RIN3: variants seen among roughly 807,000 people sequenced by gnomAD.
The protein encoded by RIN3 is RAB5 interacting protein 3.
A neutral mutation model predicts 76.3 loss-of-function variants in RIN3; 54 were observed. The observed-to-expected ratio is 0.71, with a 90% CI of 0.57 to 0.89. RIN3 has a LOEUF of 0.89. Ranked by LOEUF, RIN3 falls within the 40% of genes least tolerant of loss-of-function variation. The pLI is 0.00. For missense variants in RIN3, 1,256 were observed against 1,322.1 expected, an observed-to-expected ratio of 0.95 and a Z score of 0.78; for synonymous variants, 576 against 564.0, an observed-to-expected ratio of 1.02 and a Z score of -0.30.
intron 1 of RIN3, among the ~76,000 whole-genome samples, chr14:92,541,669 A>G (rs1463243828): frequency 1.3e-5 from 2 of 152,230 alleles, no homozygotes; most frequent in Non-Finnish European, 2.9e-5. Context: ...AAATAGGACA[A>G]AGACCTAAAT....
intron 4 of RIN3, among the ~76,000 whole-genome samples, chr14:92,621,382 C>T (rs947611078): frequency 6.6e-6 from 1 of 152,044 alleles, no homozygotes; most frequent in Non-Finnish European, 1.5e-5. Context: ...TGGCCCATGA[C>T]CCAGCCCTCA....
At chr14:92,529,267 G>A (rs1310324493) in intron 1 of RIN3, among the ~76,000 whole-genome samples, 1 of 99,488 alleles carries the variant, frequency 1.0e-5, no homozygotes, top group Non-Finnish European at 2.1e-5. Context: ...TTTTTTTTTT[G>A]AGATGGAGTC....
At chr14:92,577,989 C>T (rs1898307629) in intron 3 of RIN3, among the ~76,000 whole-genome samples, 1 of 152,130 alleles carries the variant, frequency 6.6e-6, no homozygotes, top group Non-Finnish European at 1.5e-5. Context: ...CCTATAATTC[C>T]AACACTTCAG....
chr14:92,626,827 G>A (rs73330157), intron 4 of RIN3, among the ~76,000 whole-genome samples: 2,379 of 152,142 alleles, frequency 0.016, 51 homozygotes, highest in African/African-American at 0.044. Context: ...GTTTTACTAC[G>A]CCTTCCCCTG....
At chr14:92,603,589 C>T (rs1455124961) in intron 3 of RIN3, among the ~76,000 whole-genome samples, 6 of 152,198 alleles carry the variant, frequency 3.9e-5, no homozygotes, top group Non-Finnish European at 7.3e-5. Flanking sequence ...CTGTGCTGTC[C>T]AGCTTTGGGC....
intron 3 of RIN3, among the ~76,000 whole-genome samples, chr14:92,577,977 C>T (rs916190155): frequency 2.6e-5 from 4 of 152,164 alleles, no homozygotes; most frequent in East Asian, 1.9e-4. Context: ...TGATGGCTCA[C>T]GCCTATAATT....
In RIN3 at chr14:92,652,063, G is replaced by T. The variant is rs1465200468; in HGVS notation, c.1014G>T (p.Met338Ile). 6.2e-7 allele frequency: 1 copy of T among 1,600,388 alleles called. No individual in the cohort carries two copies. Among genetic ancestry groups the T allele is most frequent in the Non-Finnish European group, 8.5e-7 (1 of 1,179,372 alleles). ...GPPDHPNQPPMMTCERLPCPT... is the reference protein window; with the variant it reads ...GPPDHPNQPPIMTCERLPCPT... ...CAGACCATCCGAACCAGCCGCCCAT[G>T]ATGACCTGCGAGAGACTCCCATGCC... The change falls in exon 6 of 10, where the codon ATG becomes ATT. Residue 338 changes from methionine (M) to isoleucine (I), a missense_variant. Met to Ile is a conservative substitution (Grantham distance 10). Transcript: ENST00000216487. The surrounding 1 kb of genome is among the most constrained non-coding windows in gnomAD (Gnocchi z 6.4).
In RIN3 at chr14:92,656,712, C is replaced by A. The variant is rs142723856; in HGVS notation, c.2027-2449C>A. On this transcript the variant is annotated intron_variant, in intron 6 of 9. Transcript: ENST00000216487. This position sits in a 1 kb window ranked among gnomAD's most constrained non-coding sequence, Gnocchi z 5.2. ...CAGGCAGTGAGAGGTGGCAGCTGAG[C>A]TGAGCCACCAAGGATGGGAAGGGCT... Among the ~76,000 whole-genome samples the A allele has an allele frequency of 4.7e-3, 721 of 152,278 alleles. 15 individuals are homozygous for A. The highest frequency in any genetic ancestry group is 0.018 in the East Asian group (94 of 5,184).
In RIN3 at chr14:92,646,559, GGAGTA is replaced by G. The variant is rs556898909; in HGVS notation, c.533-5016_533-5012del. 2.8e-4 allele frequency among the ~76,000 whole-genome samples: 43 copies of G among 152,228 alleles called. No individual in the cohort carries two copies. The South Asian group carries it at 8.9e-3, about 32-fold the overall frequency. On this transcript the variant is annotated intron_variant, in intron 5 of 9. Transcript: ENST00000216487. Reference sequence around the variant, plus strand: ...AAGCGATTCTCCTGCCTCAGCCTCTGGAGTAGAGTAGCTGGGATTGCAGGCACCTG... The same window carrying G: ...AAGCGATTCTCCTGCCTCAGCCTCTGGAGTAGCTGGGATTGCAGGCACCTG...
intron 1 of RIN3, among the ~76,000 whole-genome samples, chr14:92,520,961 C>T (rs1322240382): frequency 6.6e-6 from 1 of 152,196 alleles, no homozygotes; most frequent in Non-Finnish European, 1.5e-5. Context: ...CATTTATTAT[C>T]GTTGCTTCTT....
At chr14:92,528,199 T>C (rs1896794929) in intron 1 of RIN3, among the ~76,000 whole-genome samples, 2 of 152,136 alleles carry the variant, frequency 1.3e-5, no homozygotes, top group African/African-American at 2.4e-5. Flanking sequence ...TGGCAGGAGA[T>C]GGGTGTGCCC....
chr14:92,624,485 G>A (rs111963537), intron 4 of RIN3, among the ~76,000 whole-genome samples: 13 of 152,298 alleles, frequency 8.5e-5, no homozygotes, highest in African/African-American at 1.2e-4. Context: ...CTTTAGAACC[G>A]CTAGCGGGAA....
chr14:92,628,969 A>G (rs1886456431), intron 4 of RIN3, among the ~76,000 whole-genome samples: 1 of 152,154 alleles, frequency 6.6e-6, no homozygotes, highest in Non-Finnish European at 1.5e-5. Context: ...AAAAAAATGA[A>G]AAAGACCCTG....
intron 3 of RIN3, among the ~76,000 whole-genome samples, chr14:92,613,710 A>AG (rs1228671881): frequency 6.6e-6 from 1 of 152,020 alleles, no homozygotes; most frequent in African/African-American, 2.4e-5. Context: ...AGAGGCACTG[A>AG]GGGGGGAAAG....
intron 1 of RIN3, among the ~76,000 whole-genome samples, chr14:92,545,622 T>C (rs1201812126): frequency 6.9e-6 from 1 of 145,430 alleles, no homozygotes; most frequent in African/African-American, 2.5e-5. Context: ...ACTCTGTCAC[T>C]GAGGCTGGAG....
At chr14:92,637,670 A>G (rs1263247936) in intron 4 of RIN3, among the ~76,000 whole-genome samples, 2 of 152,166 alleles carry the variant, frequency 1.3e-5, no homozygotes, top group South Asian at 2.1e-4. Flanking sequence ...AATGTTGACA[A>G]TAGCACTTAG....
At chr14:92,522,267 C>CACA (rs138189648) in intron 1 of RIN3, among the ~76,000 whole-genome samples, 5,742 of 152,116 alleles carry the variant, frequency 0.038, 155 homozygotes, top group Non-Finnish European at 0.063. Context: ...TGATGATGTT[C>CACA]TTGTCTCTTT....
At chr14:92,529,259 T>C (rs1436297529) in intron 1 of RIN3, among the ~76,000 whole-genome samples, 1 of 151,902 alleles carries the variant, frequency 6.6e-6, no homozygotes, top group Non-Finnish European at 1.5e-5. Flanking sequence ...TTTTCTTTTT[T>C]TTTTTTTGAG....
Position 92,652,906 on chromosome 14 carries a change from G to C in RIN3, c.1857G>C (p.Leu619=). Reference sequence around the variant, plus strand: ...ACAAGGGCTCGTACTTTGGCAGCCTGGTGCAGGACTACAAGGTGTACAGCC... The same window carrying C: ...ACAAGGGCTCGTACTTTGGCAGCCTCGTGCAGGACTACAAGGTGTACAGCC... ...AQDKGSYFGS[L]VQDYKVYSLE... is the part of the protein sequence containing the mutation. The change falls in exon 6 of 10, where the codon CTG becomes CTC. Residue 619 remains leucine (L), a synonymous_variant. Transcript: ENST00000216487. The surrounding 1 kb of genome is among the most constrained non-coding windows in gnomAD (Gnocchi z 6.4). The C allele has an allele frequency of 6.2e-7, 1 of 1,614,050 alleles. No individual in the cohort carries two copies. Among genetic ancestry groups the C allele is most frequent in the South Asian group, 1.1e-5 (1 of 91,088 alleles).
Sources: allele counts gnomAD v4.1 joint callset (sites outside exome capture counted in the v4.1 genomes callset), GRCh38; gene constraint gnomAD v4.1.1; non-coding constraint Gnocchi (gnomAD v3.1); transcripts MANE v1.5; gene names NCBI Gene and HGNC (gene_info 2026-07-23, HGNC 2026-07-21).